Variants in GATB observed in about 807,000 individuals in gnomAD.
GATB encodes glutamyl-tRNA amidotransferase subunit B.
A neutral mutation model predicts 62.3 loss-of-function variants in GATB; 39 were observed. That is an observed-to-expected ratio of 0.63 (90% CI 0.48 to 0.82). The LOEUF (loss-of-function observed/expected upper bound fraction) is 0.82. Ranked by LOEUF, GATB falls within the 40% of genes least tolerant of loss-of-function variation. GATB has a pLI of 0.00. For missense variants in GATB, 670 were observed against 684.0 expected, an observed-to-expected ratio of 0.98 and a Z score of 0.23; for synonymous variants, 276 against 258.9, an observed-to-expected ratio of 1.07 and a Z score of -0.63.
At chr4:151,756,804 CT>C (rs1281660659) in intron 2 of GATB, among the ~76,000 whole-genome samples, 1 of 152,114 alleles carries the variant, frequency 6.6e-6, no homozygotes, top group Non-Finnish European at 1.5e-5. Context: ...CTAATTTGGT[CT>C]AATTTTTGAC....
rs774931268 is a variant in GATB, at chr4:151,760,911, A to C, written c.72T>G (p.Ser24=). 9 of 1,613,968 alleles carry C rather than the reference A, an allele frequency of 5.6e-6. No homozygotes were observed. In the East Asian group the frequency reaches 1.8e-4, roughly 32 times the overall value. The change falls in exon 1 of 13, where the codon TCT becomes TCG. Residue 24 remains serine, a synonymous_variant. Transcript: ENST00000263985. ...RWAFARVDGG[S]CHRRGAPTGS... ...CAGTCGGAGCCCCTCTTCGGTGGCA[A>C]GAACCACCGTCAACCCGGGCGAAAG...
chr4:151,715,592 T>A (rs539363771), intron 5 of GATB, among the ~76,000 whole-genome samples: 1 of 152,288 alleles, frequency 6.6e-6, no homozygotes, highest in Middle Eastern at 3.4e-3. Flanking sequence ...TTCCGCTGTA[T>A]ATGGATGAAA....
rs1413089682 is a variant in GATB, at chr4:151,722,031, A to G, written c.328-2493T>C. The G allele has an allele frequency of 8.4e-6, 5 of 594,614 alleles. No homozygotes were observed. The East Asian group carries it at 1.4e-4, about 17-fold the overall frequency. The allele number at this position is 594,614 out of a possible 1,614,324, so 36.8% of individuals were successfully genotyped here. On this transcript the variant is annotated intron_variant, in intron 2 of 12. Coordinates refer to ENST00000263985, the MANE Select transcript of GATB (RefSeq NM_004564.3). Reference sequence around the variant, plus strand: ...CTTCAAGGTCAGAATTATAAGCATCAGTCATCACACGTTACAGATGCACAG... The same window carrying G: ...CTTCAAGGTCAGAATTATAAGCATCGGTCATCACACGTTACAGATGCACAG...
chr4:151,675,483 G>C (rs1737980320), intron 11 of GATB: 1 of 152,198 alleles, frequency 6.6e-6, no homozygotes, highest in African/African-American at 2.4e-5. Context: ...GTCCAGGAGG[G>C]TGGGAGCCAC....
intron 9 of GATB, among the ~76,000 whole-genome samples, chr4:151,697,539 T>A (rs1738493148): frequency 6.6e-6 from 1 of 151,982 alleles, no homozygotes; most frequent in African/African-American, 2.4e-5. Context: ...TGGGTGACGG[T>A]TACACTGTAA....
chr4:151,726,306 C>A (rs1243601884), intron 2 of GATB, among the ~76,000 whole-genome samples: 2 of 152,134 alleles, frequency 1.3e-5, no homozygotes, highest in Non-Finnish European at 2.9e-5. Flanking sequence ...GAATATTGCT[C>A]CCCTGTTTCC....
At chr4:151,703,944 C>T (rs761944794) in intron 7 of GATB, 49 bp from the exon 8 acceptor site, 2 of 1,379,832 alleles carry the variant, frequency 1.4e-6, no homozygotes, top group East Asian at 2.3e-5. Flanking sequence ...CAGCACTGGC[C>T]AGCCTATATG....
At chr4:151,727,138 C>T (rs979280516) in intron 2 of GATB, among the ~76,000 whole-genome samples, 3 of 152,210 alleles carry the variant, frequency 2.0e-5, no homozygotes, top group Non-Finnish European at 4.4e-5. Flanking sequence ...CCAGGCTGCT[C>T]TTGAACTCCT....
rs918029351 is a variant in GATB, at chr4:151,730,128, T to C, written c.328-10590A>G. On this transcript the variant is annotated intron_variant, in intron 2 of 12. Coordinates refer to ENST00000263985, the MANE Select transcript of GATB (RefSeq NM_004564.3). This position sits in a 1 kb window ranked among gnomAD's most constrained non-coding sequence, Gnocchi z 4.1. ...CTGGCCCTTTGGTTTGTGTGGGAGC[T>C]GGGTGAGGCCTGTGACTGCCAGCTT... 2.0e-5 allele frequency among the ~76,000 whole-genome samples: 3 copies of C among 152,126 alleles called. No homozygotes were observed. The highest frequency in any genetic ancestry group is 7.2e-5 in the African/African-American group (3 of 41,408).
intron 2 of GATB, among the ~76,000 whole-genome samples, chr4:151,757,297 A>G (rs1178234577): frequency 6.6e-6 from 1 of 152,122 alleles, no homozygotes; most frequent in Non-Finnish European, 1.5e-5. Flanking sequence ...CCTCCATGAC[A>G]GAAAATGCGA....
chr4:151,707,178 C>G (rs1350353292), intron 6 of GATB, among the ~76,000 whole-genome samples: 1 of 152,222 alleles, frequency 6.6e-6, no homozygotes, highest in African/African-American at 2.4e-5. Flanking sequence ...TAGTAAATCT[C>G]AAGCTGGTCA....
At chr4:151,737,899 G>A (rs771567528) in intron 2 of GATB, among the ~76,000 whole-genome samples, 5 of 152,208 alleles carry the variant, frequency 3.3e-5, no homozygotes, top group Admixed American at 1.3e-4. Context: ...GATTTCAGAC[G>A]ATGTATAGAA....
intron 5 of GATB, among the ~76,000 whole-genome samples, 194 bp downstream of exon 5, chr4:151,715,815 A>C (rs1204401338): frequency 6.6e-6 from 1 of 152,218 alleles, no homozygotes; most frequent in Non-Finnish European, 1.5e-5. Flanking sequence ...GGGGCTCATC[A>C]AAGAATCCAA....
At chr4:151,728,397 CCAAA>C (rs1409604807) in intron 2 of GATB, among the ~76,000 whole-genome samples, 6 of 152,146 alleles carry the variant, frequency 3.9e-5, no homozygotes, top group African/African-American at 7.2e-5. Flanking sequence ...AAACACAAAA[CCAAA>C]CAAACAATCA....
At position 151,716,064 on chromosome 4, in the gene GATB, G is replaced by C. The variant is rs1738906632; in HGVS notation, c.708C>G (p.Val236=). The C allele has an allele frequency of 2.5e-6, 4 of 1,613,898 alleles. No individual in the cohort carries two copies. Among genetic ancestry groups the C allele is most frequent in the Non-Finnish European group, 3.4e-6 (4 of 1,179,928 alleles). Residue 236 remains valine (V), a synonymous_variant, in exon 5 of 13, where the codon GTC becomes GTG. Transcript: ENST00000263985. ...CTTGAAGGATCAGCTGCAGCTCCCT[G>C]ACAGCTGTTGCCGCCTCTTCTCCAC... ...MSCGEEAATA[V]RELQLILQAL...
chr4:151,725,987 T>C (rs912068178), intron 2 of GATB, among the ~76,000 whole-genome samples: 4 of 152,190 alleles, frequency 2.6e-5, no homozygotes, highest in Non-Finnish European at 5.9e-5. Context: ...GAGTCCTTAC[T>C]GAAAATCCAG....
intron 9 of GATB, among the ~76,000 whole-genome samples, chr4:151,695,426 C>T (rs1738448818): frequency 6.6e-6 from 1 of 152,118 alleles, no homozygotes; most frequent in East Asian, 1.9e-4. Flanking sequence ...AGTGTTTTAA[C>T]TCAATTCCCT....
intron 4 of GATB, 36 bp from the exon 5 acceptor site, chr4:151,716,167 T>TGTGAGG (rs776318374): frequency 1.3e-6 from 2 of 1,584,394 alleles, no homozygotes; most frequent in Non-Finnish European, 1.7e-6. Context: ...TCACTGCAGC[T>TGTGAGG]CTCCAATTTC....
intron 5 of GATB, among the ~76,000 whole-genome samples, chr4:151,709,510 G>A (rs1284258277): frequency 6.6e-6 from 1 of 152,100 alleles, no homozygotes; most frequent in Non-Finnish European, 1.5e-5. Flanking sequence ...GAGACTCTCG[G>A]TCTAGGAACC....
Sources: allele counts gnomAD v4.1 joint callset (sites outside exome capture counted in the v4.1 genomes callset), GRCh38; gene constraint gnomAD v4.1.1; non-coding constraint Gnocchi (gnomAD v3.1); transcripts MANE v1.5; gene names NCBI Gene and HGNC (gene_info 2026-07-23, HGNC 2026-07-21).